Variants in PDZRN4 observed in about 807,000 individuals in gnomAD.
PDZRN4 encodes the protein PDZ domain containing ring finger 4, also known as PDZ domain-containing RING finger protein 4.
Under a neutral mutation model 99.0 loss-of-function variants are expected in PDZRN4, and 70 were observed. The ratio of observed to expected loss-of-function variants is 0.71; its 90% CI spans 0.58 to 0.86. PDZRN4 has a LOEUF of 0.86. PDZRN4 is among the 40% of genes least tolerant of loss of function. The pLI is 0.00. For missense variants in PDZRN4, 1,474 were observed against 1,331.2 expected (o/e 1.11, Z -1.67); for synonymous variants, 551 against 501.6 (o/e 1.10, Z -1.32).
intron 3 of PDZRN4, among the ~76,000 whole-genome samples, chr12:41,476,975 G>A (rs1278632772): frequency 2.0e-5 from 3 of 152,190 alleles, no homozygotes; most frequent in Non-Finnish European, 2.9e-5. Context: ...AAGACAAGGA[G>A]GCTATTTAGT....
intron 3 of PDZRN4, among the ~76,000 whole-genome samples, chr12:41,202,421 TAA>T (rs1950823033): frequency 6.6e-6 from 1 of 152,076 alleles, no homozygotes; most frequent in East Asian, 1.9e-4. Flanking sequence ...CAGTCTTTTC[TAA>T]AAATCATTAT....
At chr12:41,350,207 C>T (rs1476450232) in intron 3 of PDZRN4, among the ~76,000 whole-genome samples, 1 of 152,026 alleles carries the variant, frequency 6.6e-6, no homozygotes, top group Non-Finnish European at 1.5e-5. Context: ...GCTATCAAAT[C>T]ACTCTAATGT....
At chr12:41,376,610 C>G (rs1234477869) in intron 3 of PDZRN4, among the ~76,000 whole-genome samples, 1 of 152,088 alleles carries the variant, frequency 6.6e-6, no homozygotes, top group Non-Finnish European at 1.5e-5. Flanking sequence ...GTACGAGTTT[C>G]TAATATAGTT....
At chr12:41,348,185 G>C (rs1034892440) in intron 3 of PDZRN4, among the ~76,000 whole-genome samples, 1 of 152,026 alleles carries the variant, frequency 6.6e-6, no homozygotes, top group African/African-American at 2.4e-5. Flanking sequence ...GTAAATCATT[G>C]ACTAGTACCA....
intron 3 of PDZRN4, among the ~76,000 whole-genome samples, chr12:41,269,045 GA>G (rs1951297271): frequency 6.6e-6 from 1 of 152,098 alleles, no homozygotes; most frequent in Non-Finnish European, 1.5e-5. Context: ...AGCAAACAAG[GA>G]TATTTAGGTT....
intron 5 of PDZRN4, among the ~76,000 whole-genome samples, chr12:41,520,836 G>A (rs895474175): frequency 5.3e-5 from 8 of 152,020 alleles, no homozygotes; most frequent in East Asian, 1.9e-4. Flanking sequence ...AATAATCTAC[G>A]CCTGTAGTCA....
intron 7 of PDZRN4, among the ~76,000 whole-genome samples, chr12:41,561,125 A>G (rs2120827600): frequency 6.6e-6 from 1 of 152,290 alleles, no homozygotes; most frequent in South Asian, 2.1e-4. Flanking sequence ...CTGTAAAGAA[A>G]CTAAAAGGCA....
intron 3 of PDZRN4, among the ~76,000 whole-genome samples, chr12:41,329,693 G>T (rs146281054): frequency 1.3e-5 from 2 of 152,098 alleles, no homozygotes; most frequent in South Asian, 4.1e-4. Context: ...GGCAAAATGA[G>T]ATTCTTAATT....
intron 3 of PDZRN4, among the ~76,000 whole-genome samples, chr12:41,261,118 C>T (rs1248385679): frequency 6.6e-6 from 1 of 151,940 alleles, no homozygotes; most frequent in Non-Finnish European, 1.5e-5. Flanking sequence ...ATTCTCTGTC[C>T]TCTTGGTTTA....
chr12:41,191,182 G>A (rs1950733136), intron 1 of PDZRN4, among the ~76,000 whole-genome samples: 1 of 152,118 alleles, frequency 6.6e-6, no homozygotes, highest in South Asian at 2.1e-4. Context: ...ACTGCATTAG[G>A]ATAAAAGAGC....
At chr12:41,503,288 A>G (rs925636345) in intron 3 of PDZRN4, among the ~76,000 whole-genome samples, 1 of 152,144 alleles carries the variant, frequency 6.6e-6, no homozygotes, top group African/African-American at 2.4e-5. Context: ...GCATTCCCCA[A>G]TAGGCAAGTA....
At chr12:41,244,805 C>T (rs1591982721) in intron 3 of PDZRN4, among the ~76,000 whole-genome samples, 1 of 149,466 alleles carries the variant, frequency 6.7e-6, no homozygotes. Flanking sequence ...CTGCCTCAGC[C>T]TCCCGAGTAG....
At chr12:41,213,160 G>A (rs1463729183) in intron 3 of PDZRN4, among the ~76,000 whole-genome samples, 1 of 151,850 alleles carries the variant, frequency 6.6e-6, no homozygotes, top group African/African-American at 2.4e-5. Flanking sequence ...AAGAAAAATA[G>A]GAACCCATGA....
At chr12:41,534,929 T>G (rs999867842) in intron 5 of PDZRN4, among the ~76,000 whole-genome samples, 18 of 152,120 alleles carry the variant, frequency 1.2e-4, no homozygotes, top group Non-Finnish European at 1.6e-4. Flanking sequence ...TTTCTTTGTG[T>G]CTTTGTGTGC....
At chr12:41,340,076 T>C (rs527561673) in intron 3 of PDZRN4, among the ~76,000 whole-genome samples, 81 of 152,194 alleles carry the variant, frequency 5.3e-4, no homozygotes, top group African/African-American at 1.9e-3. Context: ...CACTGCTGAG[T>C]ATATACCCAA....
At chr12:41,488,839 CTCTT>C (rs1157000651) in intron 3 of PDZRN4, among the ~76,000 whole-genome samples, 2 of 152,158 alleles carry the variant, frequency 1.3e-5, no homozygotes, top group Non-Finnish European at 1.5e-5. Flanking sequence ...TGTTTTATCT[CTCTT>C]ATAGGAAAAC....
chr12:41,210,721 C>CTT (rs764085550), intron 3 of PDZRN4, among the ~76,000 whole-genome samples: 128 of 152,114 alleles, frequency 8.4e-4, no homozygotes, highest in South Asian at 1.7e-3. Flanking sequence ...TAAATCTGAA[C>CTT]TTACCTAGAG....
intron 5 of PDZRN4, among the ~76,000 whole-genome samples, chr12:41,527,531 C>T (rs758071190): frequency 6.6e-6 from 1 of 152,064 alleles, no homozygotes; most frequent in Non-Finnish European, 1.5e-5. Flanking sequence ...ATAACTAGAA[C>T]GTTGAGAATA....
intron 3 of PDZRN4, among the ~76,000 whole-genome samples, chr12:41,197,192 G>T (rs934691317): frequency 1.6e-4 from 25 of 152,018 alleles, no homozygotes; most frequent in African/African-American, 5.6e-4. Context: ...ATTTTCCAAA[G>T]TTATTCACTT....
Sources: gnomAD v4.1 joint callset for allele counts (sites outside exome capture counted in the v4.1 genomes callset) on GRCh38, gnomAD v4.1.1 for gene constraint, MANE v1.5 for transcripts, NCBI Gene and HGNC (gene_info 2026-07-23, HGNC 2026-07-21) for gene names.